The following PPIL4 variants were observed in gnomAD, a reference collection of about 807,000 sequenced individuals.
The protein encoded by PPIL4 is peptidylprolyl isomerase like 4, also known as peptidyl-prolyl cis-trans isomerase-like 4.
A neutral mutation model predicts 69.1 loss-of-function variants in PPIL4; 50 were observed. That is an observed-to-expected ratio of 0.72 (90% CI 0.58 to 0.92). PPIL4 has a LOEUF of 0.92. Ranked by LOEUF, PPIL4 falls within the 40% of genes least tolerant of loss-of-function variation. PPIL4 has a pLI of 0.00. For synonymous variants in PPIL4, 193 were observed against 191.6 expected, an observed-to-expected ratio of 1.01 and a Z score of -0.06; for missense variants, 480 against 587.9, an observed-to-expected ratio of 0.82 and a Z score of 1.90.
intron 7 of PPIL4, 33 bp downstream of exon 7, chr6:149,533,425 A>C: frequency 8.6e-7 from 1 of 1,156,276 alleles, no homozygotes; most frequent in East Asian, 2.4e-5. Flanking sequence ...TAGATATATT[A>C]CAGAACAATT....
rs904033557 is a variant in PPIL4 at position 149,504,749 on chromosome 6, G to C, written c.*704C>G. 6.6e-6 allele frequency: 1 copy of C among 152,072 alleles called. No individual in the cohort carries two copies. The highest frequency in any genetic ancestry group is 2.4e-5 in the African/African-American group (1 of 41,374). The allele number at this position is 152,072 out of a possible 1,614,324, so 9.4% of individuals were successfully genotyped here. On this transcript the variant is annotated 3_prime_UTR_variant, in exon 13 of 13. Transcript: ENST00000253329. ...TACAGTCACTTCAGAACACAAATTT[G>C]GCATTATTTTATCAATATATCAAGC...
In PPIL4 at chr6:149,535,976, T is replaced by C. The variant is rs1447974916; in HGVS notation, c.322-238A>G. Among the ~76,000 whole-genome samples, 6 of 152,356 alleles carry C rather than the reference T, an allele frequency of 3.9e-5. No individual in the cohort carries two copies. In the East Asian group the frequency reaches 7.7e-4, roughly 20 times the overall value. On this transcript the variant is annotated intron_variant, in intron 4 of 12. Transcript: ENST00000253329. ...ATTAAGGATTTCTGGCAACCGTGTA[T>C]TGAGTAAGTCTATTGGTGCCATTTT...
chr6:149,524,650 A>G (rs2115033496), intron 9 of PPIL4, among the ~76,000 whole-genome samples: 1 of 152,328 alleles, frequency 6.6e-6, no homozygotes, highest in East Asian at 1.9e-4. Context: ...CTATAATCCC[A>G]GCACTTTGGG....
chr6:149,537,622 G>T (rs1777297889), intron 4 of PPIL4, among the ~76,000 whole-genome samples: 1 of 151,752 alleles, frequency 6.6e-6, no homozygotes, highest in South Asian at 2.1e-4. Context: ...CAGGAGAATG[G>T]CGTGAATCTG....
chr6:149,545,679 G>A (rs1777429557), intron 1 of PPIL4, among the ~76,000 whole-genome samples: 1 of 152,158 alleles, frequency 6.6e-6, no homozygotes, highest in South Asian at 2.1e-4. Context: ...CACTCCCAAA[G>A]GCAATTAATG....
At chr6:149,514,765 A>AGTGT (rs36117544) in intron 11 of PPIL4, among the ~76,000 whole-genome samples, 4 of 149,358 alleles carry the variant, frequency 2.7e-5, no homozygotes, top group African/African-American at 7.4e-5. Context: ...TTTTGGTTCA[A>AGTGT]GTGTGTGTGT....
intron 12 of PPIL4, among the ~76,000 whole-genome samples, chr6:149,506,769 A>AT (rs561117898): frequency 1.0e-3 from 157 of 152,012 alleles, no homozygotes; most frequent in African/African-American, 3.4e-3. Context: ...TAATTTTTGT[A>AT]TTTTTTTGTA....
intron 12 of PPIL4, 53 bp downstream of exon 12, chr6:149,512,100 TAC>T (rs1165454738): frequency 7.1e-7 from 1 of 1,401,416 alleles, no homozygotes; most frequent in African/African-American, 1.4e-5. Flanking sequence ...AGACATCATT[TAC>T]AGAGGGATAA....
chr6:149,534,672 A>G lies in PPIL4; in HGVS notation c.561+6T>C, dbSNP rs191139441. ...GTACATTTAATCATAAGAGGGCTTT[A>G]CTTACATCTAATTGTTCCCTTGTAG... On this transcript the variant is annotated splice_donor_region_variant and intron_variant, in intron 6 of 12. Coordinates refer to ENST00000253329, the MANE Select transcript of PPIL4 (RefSeq NM_139126.4). 1.4e-6 allele frequency: 2 copies of G among 1,411,092 alleles called. No homozygotes were observed. The highest frequency in any genetic ancestry group is 2.0e-6 in the Non-Finnish European group (2 of 1,008,402). 87.4% of individuals were successfully genotyped at this position (1,411,092 alleles called of 1,614,324 possible). A position where few individuals can be genotyped will look rare whatever the true frequency, so the allele number is the denominator to read the frequency against.
At chr6:149,512,901 CCTGA>C (rs1776877158) in intron 11 of PPIL4, among the ~76,000 whole-genome samples, 2 of 151,866 alleles carry the variant, frequency 1.3e-5, no homozygotes, top group South Asian at 2.1e-4. Flanking sequence ...TGCCACCACG[CCTGA>C]CTAATTTTTT....
intron 4 of PPIL4, among the ~76,000 whole-genome samples, chr6:149,539,827 G>A (rs1777333547): frequency 6.6e-6 from 1 of 152,140 alleles, no homozygotes; most frequent in African/African-American, 2.4e-5. Context: ...AGAAGCACTT[G>A]TTAGTAATAA....
chr6:149,537,579 C>T (rs912430388), intron 4 of PPIL4, among the ~76,000 whole-genome samples: 2 of 151,848 alleles, frequency 1.3e-5, no homozygotes, highest in Non-Finnish European at 2.9e-5. Context: ...TGGTGGCAGG[C>T]GCCTGTAGTC....
intron 12 of PPIL4, 113 bp downstream of exon 12, chr6:149,512,042 A>T: frequency 1.3e-6 from 1 of 789,196 alleles, no homozygotes; most frequent in Non-Finnish European, 1.9e-6. Flanking sequence ...TTAGGAACAA[A>T]CCCATCTCTG....
In PPIL4 at chr6:149,541,072, A is replaced by C. The variant is rs867401435; in HGVS notation, c.204-13T>G. 6.8e-7 allele frequency: 1 copy of C among 1,460,994 alleles called. No homozygotes were observed. The allele number at this position is 1,460,994 out of a possible 1,614,324, so 90.5% of individuals were successfully genotyped here. On this transcript the variant is annotated splice_polypyrimidine_tract_variant and intron_variant, in intron 3 of 12. Coordinates refer to ENST00000253329, the MANE Select transcript of PPIL4 (RefSeq NM_139126.4). ...ACCATACAGTTGGCTGAAAAAACAT[A>C]TAAGGTTATAAATGTAAGTACTCTC... is the stretch of plus-strand genomic sequence containing the variant.
intron 12 of PPIL4, among the ~76,000 whole-genome samples, chr6:149,511,281 C>T (rs1474133280): frequency 6.6e-6 from 1 of 151,874 alleles, no homozygotes; most frequent in African/African-American, 2.4e-5. Flanking sequence ...GTCATCCAGG[C>T]TGGAGGGCAG....
chr6:149,525,830 G>A (rs751729729), intron 8 of PPIL4, among the ~76,000 whole-genome samples: 1 of 152,208 alleles, frequency 6.6e-6, no homozygotes, highest in Non-Finnish European at 1.5e-5. Context: ...GCCGGGCGCA[G>A]TGGCTCATAC....
intron 8 of PPIL4, 127 bp downstream of exon 8, chr6:149,526,525 C>A (rs1028011654): frequency 1.5e-5 from 12 of 777,220 alleles, no homozygotes; most frequent in Non-Finnish European, 2.1e-5. Context: ...TCCAAAGACT[C>A]ACCTGTAAAA....
intron 1 of PPIL4, among the ~76,000 whole-genome samples, chr6:149,543,924 A>G (rs1026729486): frequency 1.3e-5 from 2 of 152,266 alleles, no homozygotes; most frequent in Admixed American, 6.5e-5. Context: ...AAGAAAAGGA[A>G]GAAAGAATGG....
intron 1 of PPIL4, among the ~76,000 whole-genome samples, chr6:149,543,808 A>G (rs1777397751): frequency 6.6e-6 from 1 of 152,166 alleles, no homozygotes; most frequent in Admixed American, 6.5e-5. Flanking sequence ...AAGATTGGCT[A>G]TGTGTTCACA....
Sources: gnomAD v4.1 joint callset for allele counts (sites outside exome capture counted in the v4.1 genomes callset) on GRCh38, gnomAD v4.1.1 for gene constraint, MANE v1.5 for transcripts, NCBI Gene and HGNC (gene_info 2026-07-23, HGNC 2026-07-21) for gene names.